The following NHSL2 variants were observed in gnomAD, a reference collection of about 807,000 sequenced individuals.
The protein encoded by NHSL2 is NHS like 2.
In NHSL2, 27 loss-of-function variants were observed where a neutral mutation model predicts 53.4. That is an observed-to-expected ratio of 0.51 (90% CI 0.37 to 0.70). The LOEUF (loss-of-function observed/expected upper bound fraction) is 0.70. Among genes scored for constraint, NHSL2 ranks in the 30% least tolerant of loss-of-function variants. The probability of loss-of-function intolerance (pLI) is 0.00; values close to 1 mark genes in which losing one functional copy is unlikely to be tolerated. For synonymous variants in NHSL2, 408 were observed against 404.1 expected (o/e 1.01, Z -0.12); for missense variants, 892 against 980.1 (o/e 0.91, Z 1.20).
At chrX:71,998,707 G>GC (rs1172228847) in intron 1 of NHSL2, among the ~76,000 whole-genome samples, 3 of 111,578 alleles carry the variant, frequency 2.7e-5, no homozygotes, top group Non-Finnish European at 5.7e-5. Context: ...TGGCCTTTCA[G>GC]CTCCCCCTTC....
At chrX:71,938,775 C>G (rs142739631) in intron 1 of NHSL2, among the ~76,000 whole-genome samples, 1 of 112,943 alleles carries the variant, frequency 8.9e-6, no homozygotes, top group African/African-American at 3.2e-5. Flanking sequence ...AAGGTATGAG[C>G]TGATAGCTCA....
intron 1 of NHSL2, among the ~76,000 whole-genome samples, chrX:72,024,229 A>C (rs948426663): frequency 1.1e-4 from 12 of 111,682 alleles, no homozygotes; most frequent in Non-Finnish European, 7.5e-5. Flanking sequence ...GAAAATTCTG[A>C]ACTCTTACAC....
At chrX:72,116,696 G>T (rs963180388) in intron 1 of NHSL2, among the ~76,000 whole-genome samples, 2 of 111,302 alleles carry the variant, frequency 1.8e-5, no homozygotes, top group African/African-American at 6.5e-5. Flanking sequence ...TTTCCTCAAG[G>T]TTAGAAGGGA....
chrX:72,117,094 A>G (rs925564457), intron 1 of NHSL2, among the ~76,000 whole-genome samples: 1 of 110,328 alleles, frequency 9.1e-6, no homozygotes, highest in African/African-American at 3.3e-5. Context: ...TGGGGTGGGC[A>G]TGTGGTGAGC....
chrX:72,113,105 C>T (rs1031366406), intron 1 of NHSL2, among the ~76,000 whole-genome samples: 2 of 112,302 alleles, frequency 1.8e-5, no homozygotes, highest in African/African-American at 6.5e-5. Context: ...GCTGCCTTTT[C>T]ATTTTCTTGA....
intron 1 of NHSL2, among the ~76,000 whole-genome samples, chrX:72,012,494 C>A (rs779358693): frequency 3.4e-4 from 38 of 112,602 alleles, no homozygotes; most frequent in Non-Finnish European, 6.0e-4. Context: ...GCTGCCAATA[C>A]TCCTTGGCTT....
chrX:72,092,592 C>G (rs2041908445), intron 1 of NHSL2, among the ~76,000 whole-genome samples: 1 of 111,686 alleles, frequency 9.0e-6, no homozygotes, highest in African/African-American at 3.3e-5. Flanking sequence ...AGAGTAGCCA[C>G]TCAACAAAAT....
At position 71,981,672 on chromosome X, in the gene NHSL2, T is replaced by G. The variant is rs767148135; in HGVS notation, c.280+70305T>G. On this transcript the variant is annotated intron_variant, in intron 1 of 7. Coordinates refer to ENST00000633930, the MANE Select transcript of NHSL2 (RefSeq NM_001013627.3). The stretch of plus-strand genomic sequence containing the variant: ...ATTTAAAAATGAACAAAGATCTGAA[T>G]AGACAGTTCTCCAAAGAAGATATAC... Among the ~76,000 whole-genome samples the G allele has an allele frequency of 2.7e-5, 3 of 111,265 alleles. No individual in the cohort carries two copies. The East Asian group carries it at 8.4e-4, about 31-fold the overall frequency.
intron 1 of NHSL2, among the ~76,000 whole-genome samples, chrX:71,950,768 C>G (rs976348661): frequency 3.6e-5 from 4 of 111,695 alleles, no homozygotes; most frequent in Non-Finnish European, 7.5e-5. Flanking sequence ...CATTCTCACA[C>G]TGAACCAACT....
chrX:72,114,416 C>A (rs1210371553), intron 1 of NHSL2, among the ~76,000 whole-genome samples: 1 of 111,801 alleles, frequency 8.9e-6, no homozygotes, highest in East Asian at 2.8e-4. Flanking sequence ...GCCTCTCACA[C>A]TGCAAAGGGC....
At chrX:72,016,831 C>T (rs1164441813) in intron 1 of NHSL2, among the ~76,000 whole-genome samples, 1 of 112,118 alleles carries the variant, frequency 8.9e-6, no homozygotes, top group African/African-American at 3.2e-5. Context: ...CTTCCTTTTC[C>T]TGATCACAAA....
At chrX:72,111,190 C>T (rs1003051543) in intron 1 of NHSL2, among the ~76,000 whole-genome samples, 5 of 112,321 alleles carry the variant, frequency 4.5e-5, no homozygotes, top group African/African-American at 1.6e-4. Flanking sequence ...GGCCGGCCAC[C>T]CTACCTGGGT....
chrX:72,009,551 T>A (rs1266580081), intron 1 of NHSL2, among the ~76,000 whole-genome samples: 5 of 112,591 alleles, frequency 4.4e-5, no homozygotes, highest in Non-Finnish European at 9.4e-5. Flanking sequence ...GAATGTTTGT[T>A]ACCTTTTCAG....
At chrX:71,923,276 C>G (rs1217739086) in intron 1 of NHSL2, among the ~76,000 whole-genome samples, 2 of 111,895 alleles carry the variant, frequency 1.8e-5, no homozygotes, top group Non-Finnish European at 3.8e-5. Flanking sequence ...CAGGCACATC[C>G]TCTGGGAACA....
chrX:72,084,606 A>T (rs1291954339), intron 1 of NHSL2, among the ~76,000 whole-genome samples: 1 of 111,948 alleles, frequency 8.9e-6, no homozygotes, highest in Non-Finnish European at 1.9e-5. Flanking sequence ...TCTCTGTCTG[A>T]GGAGGTAGCT....
At chrX:72,047,750 A>G (rs1329828138) in intron 1 of NHSL2, among the ~76,000 whole-genome samples, 1 of 111,697 alleles carries the variant, frequency 9.0e-6, no homozygotes, top group Non-Finnish European at 1.9e-5. Flanking sequence ...CATTGTGCCA[A>G]GGCCAGCTCC....
chrX:72,130,714 A>G, intron 1 of NHSL2: 5 of 1,211,353 alleles, frequency 4.1e-6, no homozygotes, highest in Non-Finnish European at 5.6e-6. Context: ...GCCTTTGAGG[A>G]ATTGGTTTTG....
intron 1 of NHSL2, among the ~76,000 whole-genome samples, chrX:71,940,112 C>T (rs187378698): frequency 2.6e-3 from 293 of 111,873 alleles, no homozygotes; most frequent in African/African-American, 9.3e-3. Flanking sequence ...AAGAGCCTAA[C>T]GAGGAAGCTG....
chrX:72,049,910 C>A (rs1367286523), intron 1 of NHSL2, among the ~76,000 whole-genome samples: 2 of 101,707 alleles, frequency 2.0e-5, no homozygotes, highest in African/African-American at 7.3e-5. Context: ...CTGTTCAAGG[C>A]TTTGGTGACA....
Sources: gnomAD v4.1 joint callset for allele counts (sites outside exome capture counted in the v4.1 genomes callset) on GRCh38, gnomAD v4.1.1 for gene constraint, MANE v1.5 for transcripts, NCBI Gene and HGNC (gene_info 2026-07-23, HGNC 2026-07-21) for gene names.